Variants in KIAA0232 observed in about 807,000 individuals in gnomAD.
The protein encoded by KIAA0232 is uncharacterized protein KIAA0232.
KIAA0232 carries 27 observed loss-of-function variants against 122.0 expected under a neutral mutation model. That is an observed-to-expected ratio of 0.22 (90% CI 0.16 to 0.31). The LOEUF is 0.31. KIAA0232 is among the 10% of genes least tolerant of loss of function. KIAA0232 has a pLI of 1.00. For missense variants in KIAA0232, 1,551 were observed against 1,634.2 expected (o/e 0.95, Z 0.88); for synonymous variants, 613 against 587.6 (o/e 1.04, Z -0.63).
rs950510396 is a variant in KIAA0232 at position 6,799,169 on chromosome 4, A to G, written c.-353-5354A>G. 2.6e-5 allele frequency among the ~76,000 whole-genome samples: 4 copies of G among 151,690 alleles called. No homozygotes were observed. The South Asian group carries it at 6.3e-4, about 24-fold the overall frequency. On this transcript the variant is annotated intron_variant, in intron 1 of 9. Transcript: ENST00000307659. The stretch of plus-strand genomic sequence containing the variant: ...TTGGCTTGCATTGGTACATTACTGC[A>G]GTCTCCGCATCTGTCTTCACGTGGG...
chr4:6,811,381 C>T (rs567755922), intron 2 of KIAA0232, among the ~76,000 whole-genome samples: 118 of 152,246 alleles, frequency 7.8e-4, no homozygotes, highest in Admixed American at 1.4e-3. Flanking sequence ...CCAGGTATTG[C>T]GTAAACCCTG....
chr4:6,836,794 T>A (rs1220711505), intron 3 of KIAA0232, among the ~76,000 whole-genome samples: 1 of 152,160 alleles, frequency 6.6e-6, no homozygotes, highest in African/African-American at 2.4e-5. Context: ...ACAAAGCACA[T>A]CTTGCACCGC....
rs776448878 is a variant in KIAA0232 at position 6,861,428 on chromosome 4, G to A, written c.1046G>A (p.Gly349Glu). ...AAGGCTGAAAGGAACATTCATACTG[G>A]AAGTAGTAGCAGTAGCAGCAGTGGT... Reference protein sequence around the residue: ...GEKAERNIHTGSSSSSSSGSV... With the variant: ...GEKAERNIHTESSSSSSSGSV... The change falls in exon 7 of 10, where the codon GGA (glycine) becomes GAA (glutamate). Residue 349 changes from glycine to glutamate, a missense_variant. By Grantham distance (98) the Gly-to-Glu change is moderately conservative (BLOSUM62 -2). Transcript: ENST00000307659. 1.2e-6 allele frequency: 2 copies of A among 1,614,216 alleles called. No homozygotes were observed. Among genetic ancestry groups the A allele is most frequent in the East Asian group, 4.5e-5 (2 of 44,886 alleles).
chr4:6,796,093 A>T (rs1251263194), intron 1 of KIAA0232, among the ~76,000 whole-genome samples: 1 of 152,216 alleles, frequency 6.6e-6, no homozygotes, highest in Admixed American at 6.5e-5. Flanking sequence ...AGTGAGCTGC[A>T]CTAAAATTTG....
At chr4:6,783,163 A>G (rs1270153609) in intron 1 of KIAA0232, among the ~76,000 whole-genome samples, 3 of 149,326 alleles carry the variant, frequency 2.0e-5, no homozygotes, top group East Asian at 2.0e-4. Flanking sequence ...CCTAAGGGAG[A>G]CCGGGCCGCT....
intron 1 of KIAA0232, among the ~76,000 whole-genome samples, chr4:6,784,974 C>T (rs1190003171): frequency 6.9e-6 from 1 of 145,190 alleles, no homozygotes; most frequent in Non-Finnish European, 1.5e-5. Context: ...GAGTCTCGCT[C>T]TGCCGCCCAG....
chr4:6,810,960 C>T (rs978708259), intron 2 of KIAA0232, among the ~76,000 whole-genome samples: 1 of 152,098 alleles, frequency 6.6e-6, no homozygotes, highest in Non-Finnish European at 1.5e-5. Context: ...CAAGTATTTG[C>T]ACGGATGCAG....
chr4:6,797,714 C>A (rs1009719273), intron 1 of KIAA0232, among the ~76,000 whole-genome samples: 1 of 144,884 alleles, frequency 6.9e-6, no homozygotes, highest in South Asian at 2.2e-4. Flanking sequence ...TGCAGTGAGC[C>A]ATGATTGCAC....
At position 6,883,208 on chromosome 4, in the gene KIAA0232, G is replaced by A. The variant is rs1231974227; in HGVS notation, c.*2242G>A. 2 of 152,642 alleles carry A rather than the reference G, an allele frequency of 1.3e-5. No individual in the cohort carries two copies. The highest frequency in any genetic ancestry group is 6.5e-5 in the Admixed American group (1 of 15,280). 9.5% of individuals were successfully genotyped at this position (152,642 alleles called of 1,614,324 possible). ...ACGCTGAAACGCACTGTGGTATGAA[G>A]CGCATTGCATTTCCATAGCACTGAA... On this transcript the variant is annotated 3_prime_UTR_variant, in exon 10 of 10. Coordinates refer to ENST00000307659, the MANE Select transcript of KIAA0232 (RefSeq NM_014743.3).
intron 3 of KIAA0232, among the ~76,000 whole-genome samples, chr4:6,837,628 A>G (rs1024856559): frequency 1.3e-5 from 2 of 152,196 alleles, no homozygotes; most frequent in African/African-American, 4.8e-5. Flanking sequence ...GGCAACATTG[A>G]GCACTGAGTG....
intron 4 of KIAA0232, 65 bp from the exon 5 acceptor site, chr4:6,857,099 G>C: frequency 8.3e-7 from 1 of 1,198,028 alleles, no homozygotes; most frequent in Non-Finnish European, 1.1e-6. Context: ...TAAAACAAAA[G>C]TATACAAATA....
chr4:6,816,159 T>C (rs545400879), intron 2 of KIAA0232, among the ~76,000 whole-genome samples: 7 of 152,324 alleles, frequency 4.6e-5, no homozygotes, highest in African/African-American at 1.4e-4. Flanking sequence ...ATTCTTCTGA[T>C]ATCCTTGTAT....
intron 4 of KIAA0232, among the ~76,000 whole-genome samples, chr4:6,845,633 T>C (rs1487310968): frequency 6.6e-6 from 1 of 152,136 alleles, no homozygotes; most frequent in Non-Finnish European, 1.5e-5. Context: ...AGGTAAATTA[T>C]TTGAGCAAAA....
intron 3 of KIAA0232, among the ~76,000 whole-genome samples, chr4:6,827,152 G>A (rs1303642769): frequency 6.6e-6 from 1 of 152,174 alleles, no homozygotes; most frequent in Admixed American, 6.5e-5. Flanking sequence ...CAAGTCCCAC[G>A]CCAATGAAGA....
At chr4:6,792,379 G>A (rs137906915) in intron 1 of KIAA0232, among the ~76,000 whole-genome samples, 128 of 152,128 alleles carry the variant, frequency 8.4e-4, no homozygotes, top group Non-Finnish European at 1.3e-3. Flanking sequence ...CTTACTCTCA[G>A]CAGCCTTAAA....
At chr4:6,796,889 T>C (rs1461220508) in intron 1 of KIAA0232, among the ~76,000 whole-genome samples, 2 of 152,200 alleles carry the variant, frequency 1.3e-5, no homozygotes, top group Admixed American at 6.5e-5. Context: ...GGTTTATATG[T>C]TGGTCACTTG....
At chr4:6,875,957 G>A (rs952352056) in intron 8 of KIAA0232, among the ~76,000 whole-genome samples, 4 of 152,146 alleles carry the variant, frequency 2.6e-5, no homozygotes, top group African/African-American at 9.7e-5. Context: ...AGTTCATTTG[G>A]AATCTCTGGC....
chr4:6,832,928 G>A (rs1039729284), intron 3 of KIAA0232, among the ~76,000 whole-genome samples: 1 of 152,158 alleles, frequency 6.6e-6, no homozygotes, highest in African/African-American at 2.4e-5. Context: ...TTCTAGAAAT[G>A]TAACTGGATT....
chr4:6,837,590 C>T (rs974889680), intron 3 of KIAA0232, among the ~76,000 whole-genome samples: 5 of 152,148 alleles, frequency 3.3e-5, no homozygotes, highest in African/African-American at 9.7e-5. Flanking sequence ...TGTAGCGAGC[C>T]GAGATCACGC....
Sources: allele counts gnomAD v4.1 joint callset (sites outside exome capture counted in the v4.1 genomes callset), GRCh38; gene constraint gnomAD v4.1.1; transcripts MANE v1.5; gene names NCBI Gene and HGNC (gene_info 2026-07-23, HGNC 2026-07-21).